BMPER: variants seen among roughly 807,000 people sequenced by gnomAD.
The protein encoded by BMPER is BMP binding endothelial regulator.
Under a neutral mutation model 87.3 loss-of-function variants are expected in BMPER, and 45 were observed. That is an observed-to-expected ratio of 0.52 (90% confidence interval 0.41 to 0.66). The LOEUF is 0.66. Among genes scored for constraint, BMPER ranks in the 30% least tolerant of loss-of-function variants. The probability of loss-of-function intolerance (pLI) is 0.00; values close to 1 mark genes in which losing one functional copy is unlikely to be tolerated. For missense variants in BMPER, 784 were observed against 867.5 expected (o/e 0.90, Z 1.21); for synonymous variants, 326 against 316.2 (o/e 1.03, Z -0.33).
chr7:34,072,393 A>G (rs957192674), intron 11 of BMPER, among the ~76,000 whole-genome samples: 1 of 152,136 alleles, frequency 6.6e-6, no homozygotes, highest in Non-Finnish European at 1.5e-5. Flanking sequence ...TCGAGGTGTC[A>G]GCAGGGCTGT....
chr7:34,020,892 G>A (rs988388973), intron 6 of BMPER, among the ~76,000 whole-genome samples: 6 of 130,118 alleles, frequency 4.6e-5, no homozygotes, highest in Non-Finnish European at 7.1e-5. Context: ...ACACACACAC[G>A]CACGCACACA....
At chr7:33,917,047 T>C (rs574872696) in intron 2 of BMPER, among the ~76,000 whole-genome samples, 1 of 152,356 alleles carries the variant, frequency 6.6e-6, no homozygotes, top group African/African-American at 2.4e-5. Flanking sequence ...TCTGCTCTTA[T>C]TTGTGATAAA....
Position 34,094,588 on chromosome 7 carries a change from A to T in BMPER, c.1745+8496A>T, listed in dbSNP as rs540374615. The stretch of plus-strand genomic sequence containing the variant: ...GTACAATGGTACGAATGAGTGTGGT[A>T]CAGGTGTCAAGTTGGTTTTGCAGCC... On this transcript the variant is annotated intron_variant, in intron 13 of 14. Coordinates refer to ENST00000649409, the MANE Select transcript of BMPER (RefSeq NM_001365308.1). Among the ~76,000 whole-genome samples the T allele has an allele frequency of 2.6e-5, 4 of 152,332 alleles. No homozygotes were observed. The East Asian group carries it at 7.7e-4, about 29-fold the overall frequency.
chr7:34,080,070 A>G (rs1788972757), intron 12 of BMPER, among the ~76,000 whole-genome samples: 1 of 152,090 alleles, frequency 6.6e-6, no homozygotes. Flanking sequence ...ATCTTTTGTC[A>G]GTTGGATATT....
intron 5 of BMPER, among the ~76,000 whole-genome samples, chr7:33,972,107 GT>G (rs1281465524): frequency 6.6e-6 from 1 of 152,094 alleles, no homozygotes; most frequent in Non-Finnish European, 1.5e-5. Flanking sequence ...GTTTCACCAT[GT>G]TAGTCAGGAT....
chr7:34,026,116 G>T (rs1323047955), intron 6 of BMPER, among the ~76,000 whole-genome samples: 1 of 152,072 alleles, frequency 6.6e-6, no homozygotes, highest in East Asian at 1.9e-4. Context: ...TCGGGATCCA[G>T]TCCCTCTGGT....
At chr7:34,041,179 T>C (rs183375096) in intron 6 of BMPER, among the ~76,000 whole-genome samples, 1 of 152,316 alleles carries the variant, frequency 6.6e-6, no homozygotes. Flanking sequence ...TGCCACTTAC[T>C]TGTTGGGTGG....
In BMPER at chr7:33,937,305, GTA is replaced by G. The variant is rs758905624; in HGVS notation, c.237_238del (p.Cys79Ter). 1 of 1,614,156 alleles carries G rather than the reference GTA, an allele frequency of 6.2e-7. No individual in the cohort carries two copies. Among genetic ancestry groups the G allele is most frequent in the Non-Finnish European group, 8.5e-7 (1 of 1,179,992 alleles). ...TTTGTCTAGAACAAGGAAGTGACATGTAAGAGAGAGAAGTGCCCCGTGCTGTC... is the reference window on the plus strand; with the variant it reads ...TTTGTCTAGAACAAGGAAGTGACATGAGAGAGAGAAGTGCCCCGTGCTGTC... On this transcript the variant is annotated stop_gained and frameshift_variant, in exon 3 of 15. Transcript: ENST00000649409. LOFTEE classifies it high-confidence loss of function.
chr7:34,031,067 A>G (rs1787506419), intron 6 of BMPER, among the ~76,000 whole-genome samples: 1 of 152,158 alleles, frequency 6.6e-6, no homozygotes, highest in Non-Finnish European at 1.5e-5. Flanking sequence ...GAATACGACA[A>G]TTAGCTGGAA....
chr7:34,030,828 C>T (rs1241833444), intron 6 of BMPER, among the ~76,000 whole-genome samples: 1 of 151,976 alleles, frequency 6.6e-6, no homozygotes, highest in African/African-American at 2.4e-5. Context: ...GTATCAAACT[C>T]CTGGTCTCAA....
chr7:33,905,449 T>TCC, upstream of BMPER: 4 of 26,578 alleles, frequency 1.5e-4, no homozygotes, highest in South Asian at 2.7e-4. Context: ...CCCCCCGCCC[T>TCC]CCCTCACACC....
At chr7:34,039,694 G>A (rs1279692382) in intron 6 of BMPER, among the ~76,000 whole-genome samples, 1 of 151,822 alleles carries the variant, frequency 6.6e-6, no homozygotes. Context: ...TATAGTGTGT[G>A]TATATGTGTA....
chr7:34,092,156 C>G (rs1206952637), intron 13 of BMPER, among the ~76,000 whole-genome samples: 1 of 152,188 alleles, frequency 6.6e-6, no homozygotes, highest in Non-Finnish European at 1.5e-5. Context: ...ACTTCTCTGT[C>G]TTTTCATGTA....
intron 6 of BMPER, among the ~76,000 whole-genome samples, chr7:33,991,048 G>T (rs551007890): frequency 6.8e-6 from 1 of 146,166 alleles, no homozygotes; most frequent in Admixed American, 7.0e-5. Flanking sequence ...TTGCATCAAT[G>T]CTCATCAAGG....
chr7:33,953,862 C>G (rs553566723), intron 3 of BMPER, among the ~76,000 whole-genome samples: 2 of 152,096 alleles, frequency 1.3e-5, no homozygotes, highest in Non-Finnish European at 2.9e-5. Flanking sequence ...ATGAATTTGC[C>G]TGTTCTAGGT....
chr7:33,991,459 G>A (rs2127926429), intron 6 of BMPER, among the ~76,000 whole-genome samples: 1 of 152,196 alleles, frequency 6.6e-6, no homozygotes, highest in East Asian at 1.9e-4. Context: ...GATCGGTGGT[G>A]ATATCCCCTG....
At position 34,046,324 on chromosome 7, in the gene BMPER, G is replaced by C. The variant is rs760427942; in HGVS notation, c.595G>C (p.Val199Leu). 1 of 1,613,804 alleles carries C rather than the reference G, an allele frequency of 6.2e-7. No homozygotes were observed. The highest frequency in any genetic ancestry group is 8.5e-7 in the Non-Finnish European group (1 of 1,179,800). The change falls in exon 7 of 15, where the codon GTG becomes CTG. Residue 199 changes from valine (V) to leucine (L), a missense_variant. Coordinates refer to ENST00000649409, the MANE Select transcript of BMPER (RefSeq NM_001365308.1). ...TTCTTAGGGAGGCAGGACACAATGT[G>C]TGAGAGAAGTCTGTCCCATTCTCTC... The part of the protein sequence containing the change: ...CSCTGGRTQC[V>L]REVCPILSCP...
At chr7:34,090,456 T>A (rs1478428813) in intron 13 of BMPER, among the ~76,000 whole-genome samples, 2 of 152,128 alleles carry the variant, frequency 1.3e-5, no homozygotes, top group African/African-American at 4.8e-5. Context: ...CCAAGAGGAA[T>A]AGGCAAACTC....
chr7:34,019,972 A>G lies in BMPER; in HGVS notation c.577-26334A>G, dbSNP rs1308202024. Among the ~76,000 whole-genome samples the G allele has an allele frequency of 1.3e-4, 18 of 143,458 alleles. No individual in the cohort carries two copies. In the East Asian group the frequency reaches 3.5e-3, roughly 28 times the overall value. 94.1% of individuals were successfully genotyped at this position (143,458 alleles called of 152,430 possible). A position where few individuals can be genotyped will look rare whatever the true frequency, so the allele number is the denominator to read the frequency against. ...AGGTTTTTTTTTTTTTTTTTTCCCC[A>G]GGCTGAAATCTGGAAAATGTCAGAG... On this transcript the variant is annotated intron_variant, in intron 6 of 14. Transcript: ENST00000649409.
Sources: gnomAD v4.1 joint callset for allele counts (sites outside exome capture counted in the v4.1 genomes callset) on GRCh38, gnomAD v4.1.1 for gene constraint, MANE v1.5 for transcripts, NCBI Gene and HGNC (gene_info 2026-07-23, HGNC 2026-07-21) for gene names.